The following EFCAB6 variants were observed in gnomAD, a reference collection of about 807,000 sequenced individuals.
The protein encoded by EFCAB6 is EF-hand calcium binding domain 6.
Under a neutral mutation model 169.8 loss-of-function variants are expected in EFCAB6, and 156 were observed. The observed-to-expected ratio is 0.92, with a 90% CI of 0.81 to 1.05. The LOEUF (loss-of-function observed/expected upper bound fraction) is 1.05, where lower values mean the gene tolerates loss of function less well. Among genes scored for constraint, EFCAB6 ranks in the 50% least tolerant of loss-of-function variants. EFCAB6 has a pLI of 0.00. For synonymous variants in EFCAB6, 698 were observed against 676.4 expected, an observed-to-expected ratio of 1.03 and a Z score of -0.50; for missense variants, 1,800 against 1,829.1, an observed-to-expected ratio of 0.98 and a Z score of 0.29.
rs374118424 is a variant in EFCAB6, at chr22:43,554,895, G to C, written c.3622C>G (p.Arg1208Gly). 7 of 1,614,148 alleles carry C rather than the reference G, an allele frequency of 4.3e-6. No homozygotes were observed. The South Asian group carries it at 6.6e-5, about 15-fold the overall frequency. ...REEFRAICNR[R>G]VQILTDEQFD... ...TGTTCGTCCGTCAGGATTTGGACGC[G>C]GCGATTACAAATGGCCCTAAACTCC... The change falls in exon 27 of 32, where the codon CGC becomes GGC. Residue 1208 changes from arginine (R) to glycine (G), a missense_variant. Coordinates refer to ENST00000262726, the MANE Select transcript of EFCAB6 (RefSeq NM_022785.4).
At chr22:43,793,967 T>C (rs1484753702) in intron 2 of EFCAB6, among the ~76,000 whole-genome samples, 3 of 152,218 alleles carry the variant, frequency 2.0e-5, no homozygotes, top group African/African-American at 7.2e-5. Context: ...GCATATAGCT[T>C]TAAAACGGTG....
At chr22:43,569,244 A>C (rs759003575) in intron 26 of EFCAB6, among the ~76,000 whole-genome samples, 5 of 152,242 alleles carry the variant, frequency 3.3e-5, no homozygotes, top group Non-Finnish European at 7.3e-5. Context: ...GAAAGTTTGA[A>C]CAACAAAAGA....
At chr22:43,609,817 CACG>C (rs1281933502) in intron 21 of EFCAB6, among the ~76,000 whole-genome samples, 1 of 152,182 alleles carries the variant, frequency 6.6e-6, no homozygotes, top group Admixed American at 6.5e-5. Flanking sequence ...ACTAAGTTAT[CACG>C]ACAACAAAGA....
intron 2 of EFCAB6, among the ~76,000 whole-genome samples, chr22:43,801,802 G>A (rs1366992985): frequency 6.6e-6 from 1 of 152,146 alleles, no homozygotes; most frequent in East Asian, 1.9e-4. Flanking sequence ...AAGAAAGGAA[G>A]GAAGGGACGA....
chr22:43,799,329 C>CCACA (rs112231545), intron 2 of EFCAB6, among the ~76,000 whole-genome samples: 8,275 of 146,582 alleles, frequency 0.056, 244 homozygotes, highest in African/African-American at 0.074. Context: ...GAATCTGTCT[C>CCACA]CACACACACA....
At position 43,638,789 on chromosome 22, in the gene EFCAB6, C is replaced by CT. The variant is rs796807640; in HGVS notation, c.1984-3574dup. 6.8e-3 allele frequency among the ~76,000 whole-genome samples: 991 copies of CT among 145,010 alleles called. 1 individual carries two copies. The highest frequency in any genetic ancestry group is 9.3e-3 in the Non-Finnish European group (611 of 65,622). ...TTATAGAGGTCTCCTGCACCCTGTTCTTTTTTTTTTTTTGAGACGGAGTTT... is the reference window on the plus strand; with the variant it reads ...TTATAGAGGTCTCCTGCACCCTGTTCTTTTTTTTTTTTTTGAGACGGAGTTT... On this transcript the variant is annotated intron_variant, in intron 17 of 31. Transcript: ENST00000262726.
intron 2 of EFCAB6, among the ~76,000 whole-genome samples, chr22:43,786,749 A>T (rs2062094016): frequency 6.6e-6 from 1 of 151,916 alleles, no homozygotes; most frequent in Non-Finnish European, 1.5e-5. Context: ...TAAAAAAAGA[A>T]AGAAAAGAAA....
chr22:43,602,354 G>C (rs554470651), intron 22 of EFCAB6, among the ~76,000 whole-genome samples: 8 of 152,204 alleles, frequency 5.3e-5, no homozygotes, highest in African/African-American at 1.7e-4. Flanking sequence ...TGCAGTTCCC[G>C]AGGCTTCTCT....
rs764911790 is a variant in EFCAB6, at chr22:43,687,482, T to C, written c.1131A>G (p.Thr377=). The C allele has an allele frequency of 1.9e-6, 3 of 1,551,952 alleles. No individual in the cohort carries two copies. Among genetic ancestry groups the C allele is most frequent in the Non-Finnish European group, 2.6e-6 (3 of 1,153,524 alleles). ...TTTTTTTTACATACCTATTTCTTTT[T>C]GTCAGGGGACCTTTACTGCTAACTT... ...GLQVSSKGPL[T]KRNSINSRNE... The change falls in exon 11 of 32, where the codon ACA becomes ACG. Residue 377 remains threonine, a synonymous_variant. Coordinates refer to ENST00000262726, the MANE Select transcript of EFCAB6 (RefSeq NM_022785.4).
At chr22:43,665,853 T>A (rs952900452) in intron 17 of EFCAB6, among the ~76,000 whole-genome samples, 1 of 152,226 alleles carries the variant, frequency 6.6e-6, no homozygotes, top group Admixed American at 6.5e-5. Flanking sequence ...AGTGGCACGA[T>A]CTCAGCTCAC....
intron 26 of EFCAB6, among the ~76,000 whole-genome samples, chr22:43,558,436 T>C (rs2048835289): frequency 6.6e-6 from 1 of 152,214 alleles, no homozygotes; most frequent in African/African-American, 2.4e-5. Flanking sequence ...CTTTGCTTTA[T>C]TGTGCTTTGC....
chr22:43,534,890 A>T lies in EFCAB6; in HGVS notation c.4049-18T>A, dbSNP rs1243498458. Reference sequence around the variant, plus strand: ...CACAAGAGCTACAGAAAAAAATGGCAGTTCAATTGGTGGCGATTCATTCAT... The same window carrying T: ...CACAAGAGCTACAGAAAAAAATGGCTGTTCAATTGGTGGCGATTCATTCAT... On this transcript the variant is annotated intron_variant, in intron 29 of 31. Coordinates refer to ENST00000262726, the MANE Select transcript of EFCAB6 (RefSeq NM_022785.4). 6.3e-7 allele frequency: 1 copy of T among 1,590,268 alleles called. No individual in the cohort carries two copies. The highest frequency in any genetic ancestry group is 1.8e-5 in the Admixed American group (1 of 55,964).
chr22:43,760,203 CAAA>C (rs371022953), intron 5 of EFCAB6, among the ~76,000 whole-genome samples: 2 of 104,634 alleles, frequency 1.9e-5, no homozygotes, highest in Non-Finnish European at 3.7e-5. Context: ...GACTCTGTCT[CAAA>C]AAAAAAAAAA....
intron 26 of EFCAB6, among the ~76,000 whole-genome samples, chr22:43,567,998 T>C (rs558127557): frequency 6.6e-6 from 1 of 152,290 alleles, no homozygotes; most frequent in African/African-American, 2.4e-5. Flanking sequence ...TCAGCAACAC[T>C]GACCAGGGCC....
chr22:43,629,851 C>T (rs923596087), intron 19 of EFCAB6, among the ~76,000 whole-genome samples: 2 of 152,112 alleles, frequency 1.3e-5, no homozygotes, highest in Non-Finnish European at 2.9e-5. Context: ...CCTGAGAGCA[C>T]AGTGGGCACT....
rs572468881 is a variant in EFCAB6, at chr22:43,740,026, TC to T, written c.508-4034del. 1.7e-3 allele frequency among the ~76,000 whole-genome samples: 251 copies of T among 151,864 alleles called. 1 individual carries two copies. The highest frequency in any genetic ancestry group is 6.0e-3 in the African/African-American group (249 of 41,360). ...TCCACCTGCCCCCCACCTGCTGCTT[TC>T]TGGCCACACCAGACCCCACTGCTCC... On this transcript the variant is annotated intron_variant, in intron 6 of 31. Coordinates refer to ENST00000262726, the MANE Select transcript of EFCAB6 (RefSeq NM_022785.4).
intron 15 of EFCAB6, among the ~76,000 whole-genome samples, chr22:43,669,602 G>A (rs571991009): frequency 6.6e-6 from 1 of 152,314 alleles, no homozygotes; most frequent in Admixed American, 6.5e-5. Context: ...AGGGCATATG[G>A]AAGATTTTTG....
At chr22:43,534,604 G>C in intron 30 of EFCAB6, 84 bp downstream of exon 30, 1 of 1,310,004 alleles carries the variant, frequency 7.6e-7, no homozygotes, top group Non-Finnish European at 1.0e-6. Flanking sequence ...CTGGGCAATA[G>C]AGTAAGACCC....
intron 27 of EFCAB6, chr22:43,554,632 A>G: frequency 1.9e-6 from 1 of 528,572 alleles, no homozygotes; most frequent in Non-Finnish European, 3.4e-6. Context: ...GCGGAGTTGA[A>G]TTTGATTTTA....
Sources: gnomAD v4.1 joint callset for allele counts (sites outside exome capture counted in the v4.1 genomes callset) on GRCh38, gnomAD v4.1.1 for gene constraint, MANE v1.5 for transcripts, NCBI Gene and HGNC (gene_info 2026-07-23, HGNC 2026-07-21) for gene names.